The following TTN variants were observed in gnomAD, a reference collection of about 807,000 sequenced individuals.
TTN encodes connectin.
Under a neutral mutation model 3,223.0 loss-of-function variants are expected in TTN, and 1,525 were observed. That is an observed-to-expected ratio of 0.47 (90% CI 0.45 to 0.49). The LOEUF is 0.49. TTN is among the 20% of genes least tolerant of loss of function. The pLI, the probability that TTN is intolerant of heterozygous loss-of-function variation, is 0.00. For missense variants in TTN, 40,786 were observed against 43,424.0 expected (o/e 0.94, Z 5.40); for synonymous variants, 14,094 against 15,161.0 (o/e 0.93, Z 5.17).
In TTN at chr2:178,611,141, T is replaced by C. The variant is rs1345656832; in HGVS notation, c.50988A>G (p.Lys16996=). Residue 16996 remains lysine (K), a synonymous_variant, in exon 270 of 363, where the codon AAA becomes AAG. Transcript: ENST00000589042. ...VSWHKDGKEV[K]ASDRLTMKND... ...TCTTCATTGTTAATCTATCACTTGC[T>C]TTAACTTCTTTGCCATCTTTATGCC... is the stretch of plus-strand genomic sequence containing the variant. 1 of 1,612,876 alleles carries C rather than the reference T, an allele frequency of 6.2e-7. No homozygotes were observed. Among genetic ancestry groups the C allele is most frequent in the Admixed American group, 1.7e-5 (1 of 59,948 alleles).
At chr2:178,732,762 T>C in intron 55 of TTN, 44 bp from the exon 56 acceptor site, 1 of 1,563,116 alleles carries the variant, frequency 6.4e-7, no homozygotes, top group Non-Finnish European at 8.7e-7. Context: ...GTTAAGAGGG[T>C]TGATCTAAGG....
Position 178,557,462 on chromosome 2 carries a change from C to A in TTN, c.87800G>T (p.Ser29267Ile). ...TTCCAGGTGATAGCCTACGACTGCA[C>A]TGCCTCCATTTGACACTGGTTCATG... is the stretch of plus-strand genomic sequence containing the variant. ...GWHEPVSNGG[S>I]AVVGYHLEMK... Residue 29267 changes from serine (S) to isoleucine (I), a missense_variant, in exon 329 of 363, where the codon AGT (serine) becomes ATT (isoleucine). Coordinates refer to ENST00000589042, the MANE Select transcript of TTN (RefSeq NM_001267550.2). The A allele has an allele frequency of 6.2e-7, 1 of 1,613,952 alleles. No homozygotes were observed. Among genetic ancestry groups the A allele is most frequent in the Non-Finnish European group, 8.5e-7 (1 of 1,179,866 alleles).
chr2:178,597,064 A>G (rs942070527), intron 294 of TTN, among the ~76,000 whole-genome samples: 1 of 152,056 alleles, frequency 6.6e-6, no homozygotes, highest in Non-Finnish European at 1.5e-5. Flanking sequence ...ATTGTTAAAC[A>G]TTCATGTACA....
In TTN at chr2:178,786,061, C is replaced by T. The variant is rs762041830; in HGVS notation, c.2157G>A (p.Glu719=). 8 of 1,613,954 alleles carry T rather than the reference C, an allele frequency of 5.0e-6. No homozygotes were observed. In the Admixed American group the frequency reaches 1.2e-4, roughly 24 times the overall value. ...CATAGGATTCTTCAAGATGCCCAGG[C>T]TCTCTGGGCTCTCTGACTCGGGCCT... ...VDQARVREPR[E]PGHLEESYAQ... is the part of the protein sequence containing the mutation. Residue 719 remains glutamate (E), a synonymous_variant, in exon 14 of 363, where the codon GAG becomes GAA. Transcript: ENST00000589042.
intron 38 of TTN, 107 bp downstream of exon 38, chr2:178,768,566 C>A (rs894693260): frequency 2.0e-6 from 3 of 1,496,354 alleles, no homozygotes; most frequent in Non-Finnish European, 2.7e-6. Context: ...GATATCCCAT[C>A]GTATGGCTAT....
In TTN at chr2:178,567,915, C is replaced by T. The variant is rs769707850; in HGVS notation, c.78217G>A (p.Val26073Ile). The T allele has an allele frequency of 3.7e-6, 6 of 1,613,602 alleles. No homozygotes were observed. The highest frequency in any genetic ancestry group is 1.3e-5 in the African/African-American group (1 of 75,016). The change falls in exon 326 of 363, where the codon GTA becomes ATA. Residue 26073 changes from valine (V) to isoleucine (I), a missense_variant. Coordinates refer to ENST00000589042, the MANE Select transcript of TTN (RefSeq NM_001267550.2). Reference protein sequence around the residue: ...FRVYAENIVGVGKASKNSECY... With the variant: ...FRVYAENIVGIGKASKNSECY... ...TCAGAATTCTTGCTTGCTTTGCCTACACCAACAATATTTTCAGCATACACT... is the reference window on the plus strand; with the variant it reads ...TCAGAATTCTTGCTTGCTTTGCCTATACCAACAATATTTTCAGCATACACT...
intron 236 of TTN, 29 bp downstream of exon 236, chr2:178,632,118 A>G (rs1385248189): frequency 1.3e-6 from 2 of 1,540,130 alleles, no homozygotes; most frequent in East Asian, 2.3e-5. Flanking sequence ...AATTTAATGC[A>G]GTAAAATTAA....
rs1294181375 is a variant in TTN, at chr2:178,569,917, T to C, written c.76215A>G (p.Lys25405=). Residue 25405 remains lysine (K), a synonymous_variant, in exon 326 of 363, where the codon AAA becomes AAG. Transcript: ENST00000589042. The part of the protein sequence containing the change: ...AYQKACDPIY[K]PGPPNNPKVI... ...CTTTGGGGTTGTTTGGGGGTCCTGG[T>C]TTATAAATAGGATCACAAGCCTTTT... The C allele has an allele frequency of 6.2e-7, 1 of 1,613,126 alleles. No homozygotes were observed. Among genetic ancestry groups the C allele is most frequent in the South Asian group, 1.1e-5 (1 of 91,028 alleles).
Position 178,572,254 on chromosome 2 carries a change from C to T in TTN, c.73878G>A (p.Met24626Ile), listed in dbSNP as rs1060500561. 2.5e-6 allele frequency: 4 copies of T among 1,613,284 alleles called. No homozygotes were observed. The highest frequency in any genetic ancestry group is 3.3e-4 in the Middle Eastern group (2 of 6,052). The change falls in exon 326 of 363, where the codon ATG (methionine) becomes ATA (isoleucine). Residue 24626 changes from methionine (M) to isoleucine (I), a missense_variant. Transcript: ENST00000589042. ...GTGACACACTATTTCTTGTGACATC[C>T]ATCAAAGTTATTTTTCCTGGAGGAA... ...RPLPPGKITL[M>I]DVTRNSVSLS...
rs867476489 is a variant in TTN, at chr2:178,616,563, C to T, written c.48228G>A (p.Trp16076Ter). 6.2e-7 allele frequency: 1 copy of T among 1,612,328 alleles called. No individual in the cohort carries two copies. Among genetic ancestry groups the T allele is most frequent in the Non-Finnish European group, 8.5e-7 (1 of 1,178,960 alleles). The change falls in exon 257 of 363, where the codon TGG (tryptophan) becomes TGA (stop). Residue 16076 changes from tryptophan to a stop codon, truncating the protein, a stop_gained. Coordinates refer to ENST00000589042, the MANE Select transcript of TTN (RefSeq NM_001267550.2). LOFTEE classifies it high-confidence loss of function. ...DITKDSVHLT[W>*]EPPDDDGGSP... ...TTCCTCCATCATCATCAGGTGGTTCCCAAGTCAAATGTACTGAGTCCTTGG... is the reference window on the plus strand; with the variant it reads ...TTCCTCCATCATCATCAGGTGGTTCTCAAGTCAAATGTACTGAGTCCTTGG...
At chr2:178,645,669 AGTGCCT>A in intron 217 of TTN, 1 of 286,924 alleles carries the variant, frequency 3.5e-6, no homozygotes, top group Non-Finnish European at 6.5e-6. Flanking sequence ...TTAATTGGAC[AGTGCCT>A]GCATTCAGAT....
At chr2:178,803,397 G>A (rs2094160139) in intron 2 of TTN, among the ~76,000 whole-genome samples, 1 of 146,902 alleles carries the variant, frequency 6.8e-6, no homozygotes, top group African/African-American at 2.7e-5. Flanking sequence ...AGAAGTTACT[G>A]AGTGTTACCA....
chr2:178,782,107 G>T, intron 20 of TTN, 105 bp downstream of exon 20: 2 of 1,326,790 alleles, frequency 1.5e-6, no homozygotes, highest in Non-Finnish European at 2.1e-6. Flanking sequence ...GCTCCACAAT[G>T]AAAGAGCCTA....
chr2:178,558,846 A>C (rs1224930263), intron 326 of TTN: 2 of 537,040 alleles, frequency 3.7e-6, no homozygotes, highest in Non-Finnish European at 6.4e-6. Flanking sequence ...TTCAAATCCA[A>C]ATTAAGGGTA....
In TTN at chr2:178,681,110, T is replaced by G. The variant is rs2069281503; in HGVS notation, c.33309A>C (p.Glu11103Asp). The change falls in exon 138 of 363, where the codon GAA becomes GAC. Residue 11103 changes from glutamate to aspartate, a missense_variant. By Grantham distance (45) the Glu-to-Asp change is conservative (BLOSUM62 2). Transcript: ENST00000589042. ...EKIRISITKREKEQVTEPAAK... is the reference protein window; with the variant it reads ...EKIRISITKRDKEQVTEPAAK... ...CAGCGGGTTCAGTCACCTGCTCTTT[T>G]TCACGTTTGGTAATTGAAATACGTA... 6.2e-7 allele frequency: 1 copy of G among 1,605,130 alleles called. No homozygotes were observed. Among genetic ancestry groups the G allele is most frequent in the Non-Finnish European group, 8.5e-7 (1 of 1,177,340 alleles).
chr2:178,786,230 C>T, intron 13 of TTN, 89 bp from the exon 14 acceptor site: 2 of 1,337,478 alleles, frequency 1.5e-6, no homozygotes, highest in South Asian at 1.2e-5. Flanking sequence ...AGATGGCGTC[C>T]ACATTATACA....
In TTN at chr2:178,715,228, T is replaced by C; in HGVS notation, c.25958A>G (p.Glu8653Gly). 1.2e-6 allele frequency: 2 copies of C among 1,611,460 alleles called. No homozygotes were observed. Among genetic ancestry groups the C allele is most frequent in the Non-Finnish European group, 1.7e-6 (2 of 1,179,030 alleles). Residue 8653 changes from glutamate to glycine, a missense_variant, in exon 90 of 363, where the codon GAG (glutamate) becomes GGG (glycine). By Grantham distance (98) the Glu-to-Gly change is moderately conservative. Transcript: ENST00000589042. ...GTGAACATCAGCTCCTTTCAGTGTCTCTATAGGATGAGGCTTTTTGCGGAA... is the reference window on the plus strand; with the variant it reads ...GTGAACATCAGCTCCTTTCAGTGTCCCTATAGGATGAGGCTTTTTGCGGAA... ...PIFRKKPHPI[E>G]TLKGADVHLE...
chr2:178,576,938 T>C lies in TTN; in HGVS notation c.69397A>G (p.Met23133Val). 1 of 1,611,120 alleles carries C rather than the reference T, an allele frequency of 6.2e-7. No individual in the cohort carries two copies. Among genetic ancestry groups the C allele is most frequent in the Non-Finnish European group, 8.5e-7 (1 of 1,178,266 alleles). The change falls in exon 324 of 363, where the codon ATG (methionine) becomes GTG (valine). Residue 23133 changes from methionine to valine, a missense_variant. Met to Val is a conservative substitution (Grantham distance 21, BLOSUM62 1). Coordinates refer to ENST00000589042, the MANE Select transcript of TTN (RefSeq NM_001267550.2). This position sits in a 1 kb window ranked among gnomAD's most constrained non-coding sequence, Gnocchi z 4.3. ...GEPVQSEPVK[M>V]VDRFGPPGPP... ...CTCTACATACCAAATCTGTCTACCA[T>C]TTTGACAGGTTCAGACTGTACAGGT...
intron 330 of TTN, chr2:178,555,608 C>T (rs1342107500): frequency 6.2e-6 from 1 of 160,402 alleles, no homozygotes; most frequent in Non-Finnish European, 1.3e-5. Context: ...CACAGAGCTA[C>T]ATAATTACTG....
Sources: allele counts gnomAD v4.1 joint callset (sites outside exome capture counted in the v4.1 genomes callset), GRCh38; gene constraint gnomAD v4.1.1; non-coding constraint Gnocchi (gnomAD v3.1); transcripts MANE v1.5; gene names NCBI Gene and HGNC (gene_info 2026-07-23, HGNC 2026-07-21).